The following GPC5 variants were observed in gnomAD, a reference collection of about 807,000 sequenced individuals.
GPC5 encodes the protein glypican 5.
A neutral mutation model predicts 53.9 loss-of-function variants in GPC5; 47 were observed. The ratio of observed to expected loss-of-function variants is 0.87; its 90% confidence interval spans 0.69 to 1.11. The LOEUF (loss-of-function observed/expected upper bound fraction) is 1.11, where lower values mean the gene tolerates loss of function less well. GPC5 is among the 50% of genes most tolerant of loss of function. GPC5 has a pLI of 0.00. For synonymous variants in GPC5, 286 were observed against 263.3 expected (o/e 1.09, Z -0.84); for missense variants, 748 against 713.1 (o/e 1.05, Z -0.56).
At chr13:92,492,607 A>C (rs934700112) in intron 7 of GPC5, among the ~76,000 whole-genome samples, 2 of 152,184 alleles carry the variant, frequency 1.3e-5, no homozygotes, top group African/African-American at 4.8e-5. Flanking sequence ...CTAAACCATA[A>C]AAATGTCCTG....
chr13:92,697,536 A>G (rs1887594236), intron 7 of GPC5, among the ~76,000 whole-genome samples: 1 of 152,182 alleles, frequency 6.6e-6, no homozygotes, highest in African/African-American at 2.4e-5. Context: ...ATTTTTGCAC[A>G]TTGATTGTCT....
At chr13:91,947,544 A>G (rs1030237876) in intron 6 of GPC5, among the ~76,000 whole-genome samples, 11 of 152,184 alleles carry the variant, frequency 7.2e-5, no homozygotes, top group African/African-American at 2.7e-4. Context: ...AGAAACACCA[A>G]TCAAAGAAGC....
chr13:92,261,495 T>C (rs2042766866), intron 7 of GPC5, among the ~76,000 whole-genome samples: 1 of 152,092 alleles, frequency 6.6e-6, no homozygotes, highest in Non-Finnish European at 1.5e-5. Context: ...GGATAATGCC[T>C]TCACCTTAAT....
At chr13:92,428,211 C>T (rs1876922681) in intron 7 of GPC5, among the ~76,000 whole-genome samples, 1 of 152,102 alleles carries the variant, frequency 6.6e-6, no homozygotes, top group African/African-American at 2.4e-5. Context: ...ATGGATGTGG[C>T]TCTGCTGATG....
intron 2 of GPC5, among the ~76,000 whole-genome samples, chr13:91,534,789 G>GTTTTGT (rs146477267): frequency 1.3e-5 from 2 of 151,892 alleles, no homozygotes; most frequent in Non-Finnish European, 2.9e-5. Flanking sequence ...TTGTTTGTTT[G>GTTTTGT]TTTGTTTTGT....
intron 7 of GPC5, among the ~76,000 whole-genome samples, chr13:92,592,092 A>G (rs1307732145): frequency 6.6e-6 from 1 of 152,220 alleles, no homozygotes; most frequent in Non-Finnish European, 1.5e-5. Flanking sequence ...ATATCGATTT[A>G]TGAAAGAATA....
chr13:92,325,289 T>C (rs2043243411), intron 7 of GPC5, among the ~76,000 whole-genome samples: 1 of 152,020 alleles, frequency 6.6e-6, no homozygotes, highest in Admixed American at 6.6e-5. Flanking sequence ...GGACAGTCAA[T>C]GCCTTTAAAA....
intron 1 of GPC5, among the ~76,000 whole-genome samples, chr13:91,427,325 G>A (rs2351862): frequency 0.077 from 11,659 of 152,266 alleles, 1,440 homozygotes; most frequent in African/African-American, 0.26. Context: ...GTTGCACCCT[G>A]TGAAGCCACA....
intron 7 of GPC5, among the ~76,000 whole-genome samples, chr13:92,445,900 GA>G (rs1877801076): frequency 6.6e-6 from 1 of 151,970 alleles, no homozygotes; most frequent in South Asian, 2.1e-4. Context: ...GAGTAGCTGG[GA>G]TTATAGGCAT....
At chr13:92,030,634 C>T (rs2040833571) in intron 6 of GPC5, among the ~76,000 whole-genome samples, 1 of 151,674 alleles carries the variant, frequency 6.6e-6, no homozygotes, top group Admixed American at 6.6e-5. Context: ...ATTAAGGTCA[C>T]CAGTGACTCT....
chr13:91,883,953 C>T (rs913395746), intron 5 of GPC5, among the ~76,000 whole-genome samples: 13 of 151,960 alleles, frequency 8.6e-5, no homozygotes, highest in African/African-American at 2.7e-4. Flanking sequence ...TTTCACCCCC[C>T]TTTTCAAAAG....
intron 6 of GPC5, among the ~76,000 whole-genome samples, chr13:92,065,987 A>G (rs1473919690): frequency 2.6e-5 from 4 of 152,234 alleles, no homozygotes; most frequent in African/African-American, 9.6e-5. Context: ...AAAAGATATT[A>G]TTTTAAGTAT....
At chr13:92,548,876 C>G (rs922511548) in intron 7 of GPC5, among the ~76,000 whole-genome samples, 1 of 151,474 alleles carries the variant, frequency 6.6e-6, no homozygotes. Flanking sequence ...TCTCATGTGC[C>G]GCATAAATAC....
intron 7 of GPC5, among the ~76,000 whole-genome samples, chr13:92,475,569 C>A (rs1165399935): frequency 3.9e-5 from 6 of 151,922 alleles, no homozygotes; most frequent in Non-Finnish European, 8.8e-5. Flanking sequence ...TGAGACTTTG[C>A]TGAAGTTGCT....
chr13:92,244,869 C>T (rs1299969780), intron 7 of GPC5, among the ~76,000 whole-genome samples: 1 of 151,992 alleles, frequency 6.6e-6, no homozygotes, highest in African/African-American at 2.4e-5. Context: ...GAAATCCCAT[C>T]TCTATTAAAA....
intron 7 of GPC5, among the ~76,000 whole-genome samples, chr13:92,154,895 A>G (rs1301187693): frequency 2.0e-5 from 3 of 152,268 alleles, no homozygotes; most frequent in Non-Finnish European, 2.9e-5. Context: ...CACATTAAAT[A>G]TAACACATTA....
At chr13:92,019,177 C>T (rs559071023) in intron 6 of GPC5, among the ~76,000 whole-genome samples, 1 of 151,940 alleles carries the variant, frequency 6.6e-6, no homozygotes, top group African/African-American at 2.4e-5. Context: ...ATTAATATTT[C>T]CTTCAAGTTA....
intron 7 of GPC5, among the ~76,000 whole-genome samples, chr13:92,248,952 G>A (rs2042672797): frequency 6.6e-6 from 1 of 152,066 alleles, no homozygotes; most frequent in Non-Finnish European, 1.5e-5. Flanking sequence ...ATTACGTGGA[G>A]AGCAGATACA....
At chr13:92,056,395 C>T (rs966746699) in intron 6 of GPC5, among the ~76,000 whole-genome samples, 6 of 152,184 alleles carry the variant, frequency 3.9e-5, no homozygotes, top group Admixed American at 1.3e-4. Flanking sequence ...TTAATCACAA[C>T]CACAAAGTCC....
Sources: gnomAD v4.1 joint callset for allele counts (sites outside exome capture counted in the v4.1 genomes callset) on GRCh38, gnomAD v4.1.1 for gene constraint, MANE v1.5 for transcripts, NCBI Gene and HGNC (gene_info 2026-07-23, HGNC 2026-07-21) for gene names.